The following CIITA variants were observed in gnomAD, a reference collection of about 807,000 sequenced individuals.
The protein encoded by CIITA is MHC class II transactivator.
Under a neutral mutation model 115.1 loss-of-function variants are expected in CIITA, and 72 were observed. The ratio of observed to expected loss-of-function variants is 0.63; its 90% CI spans 0.52 to 0.76. CIITA has a LOEUF of 0.76. Among genes scored for constraint, CIITA ranks in the 30% least tolerant of loss-of-function variants. The probability of loss-of-function intolerance (pLI) is 0.00; values close to 1 mark genes in which losing one functional copy is unlikely to be tolerated. For missense variants in CIITA, 1,617 were observed against 1,463.8 expected (o/e 1.10, Z -1.71); for synonymous variants, 763 against 635.6 (o/e 1.20, Z -3.02).
chr16:10,906,869 G>C lies in CIITA; in HGVS notation c.1377G>C (p.Pro459=). 6 of 1,613,376 alleles carry C rather than the reference G, an allele frequency of 3.7e-6. No individual in the cohort carries two copies. The highest frequency in any genetic ancestry group is 4.2e-6 in the Non-Finnish European group (5 of 1,180,040). The stretch of plus-strand genomic sequence containing the variant: ...TCCCCTGCCATTGCTTGAACCGTCC[G>C]GGGGATGCCTATGGCCTGCAGGATC... The part of the protein sequence containing the change: ...FSVPCHCLNR[P]GDAYGLQDLL... The change falls in exon 11 of 20, where the codon CCG becomes CCC. Residue 459 remains proline, a synonymous_variant. Coordinates refer to ENST00000324288, the MANE Select transcript of CIITA (RefSeq NM_000246.4).
chr16:10,870,968 T>G (rs904243818), intron 1 of CIITA, among the ~76,000 whole-genome samples: 1 of 152,194 alleles, frequency 6.6e-6, no homozygotes. Context: ...CAAAATGCAG[T>G]GCTGAGTGCT....
chr16:10,885,314 C>T (rs1415032330), intron 1 of CIITA, among the ~76,000 whole-genome samples: 1 of 152,192 alleles, frequency 6.6e-6, no homozygotes, highest in Non-Finnish European at 1.5e-5. Flanking sequence ...CTCATCTGAC[C>T]TCCTGCCCCC....
intron 13 of CIITA, among the ~76,000 whole-genome samples, chr16:10,910,596 G>A (rs2039493454): frequency 6.6e-6 from 1 of 152,230 alleles, no homozygotes; most frequent in Non-Finnish European, 1.5e-5. Context: ...GGGACTTCCT[G>A]GAGGAGGTGA....
At position 10,902,279 on chromosome 16, in the gene CIITA, CA is replaced by C; in HGVS notation, c.628+96del. The stretch of plus-strand genomic sequence containing the variant: ...GCAGGGACTGTCAGGAACTGGACCT[CA>C]CCTCTCCCCAACCCTATCAGTGTCA... On this transcript the variant is annotated intron_variant, in intron 7 of 19. Coordinates refer to ENST00000324288, the MANE Select transcript of CIITA (RefSeq NM_000246.4). 5 of 1,516,560 alleles carry C rather than the reference CA, an allele frequency of 3.3e-6. No homozygotes were observed. The South Asian group carries it at 5.8e-5, about 18-fold the overall frequency. 93.9% of individuals were successfully genotyped at this position (1,516,560 alleles called of 1,614,324 possible). A position where few individuals can be genotyped will look rare whatever the true frequency, so the allele number is the denominator to read the frequency against.
At chr16:10,877,438 A>C (rs1483545169) in intron 1 of CIITA, 56 bp downstream of exon 1, 2 of 1,545,572 alleles carry the variant, frequency 1.3e-6, no homozygotes, top group East Asian at 2.3e-5. Flanking sequence ...TGGTCCTGCC[A>C]TTCCAGATAA....
In CIITA at chr16:10,920,489, C is replaced by T. The variant is rs1389553828; in HGVS notation, c.3150-1678C>T. Among the ~76,000 whole-genome samples the T allele has an allele frequency of 6.6e-6, 1 of 152,214 alleles. No individual in the cohort carries two copies. The highest frequency in any genetic ancestry group is 1.5e-5 in the Non-Finnish European group (1 of 68,042). On this transcript the variant is annotated intron_variant, in intron 16 of 19. Coordinates refer to ENST00000324288, the MANE Select transcript of CIITA (RefSeq NM_000246.4). This position sits in a 1 kb window ranked among gnomAD's most constrained non-coding sequence, Gnocchi z 4.5. The stretch of plus-strand genomic sequence containing the variant: ...CTTGAAATCCTGGGCCCAAGCGATC[C>T]ACCCACCTCAGCCTTCCAAAGTGCT...
At chr16:10,872,230 C>T (rs2035534544), upstream of CIITA, among the ~76,000 whole-genome samples, 1 of 152,040 alleles carries the variant, frequency 6.6e-6, no homozygotes, top group Non-Finnish European at 1.5e-5. Flanking sequence ...TCAAGCAATT[C>T]TCCTGCCTCA....
rs4780333 is a variant in CIITA, at chr16:10,904,625, T to C, written c.938-119T>C. 0.22 allele frequency: 219,677 copies of C among 1,003,522 alleles called. 25,876 individuals carry two copies. The highest frequency in any genetic ancestry group is 0.4 in the Admixed American group (23,226 of 57,948). The allele number at this position is 1,003,522 out of a possible 1,614,324, so 62.2% of individuals were successfully genotyped here. A position where few individuals can be genotyped will look rare whatever the true frequency, so the allele number is the denominator to read the frequency against. On this transcript the variant is annotated intron_variant, in intron 9 of 19. Transcript: ENST00000324288. Reference sequence around the variant, plus strand: ...GATACAGCCTCAGGCCGCTATCTTATAACCTCCATCTTGGGAAACTCAGCC... The same window carrying C: ...GATACAGCCTCAGGCCGCTATCTTACAACCTCCATCTTGGGAAACTCAGCC...
In CIITA at chr16:10,941,799, G is replaced by A. The variant is rs772106642; in HGVS notation, n.925G>A. 8.7e-6 allele frequency: 14 copies of A among 1,613,550 alleles called. No homozygotes were observed. The highest frequency in any genetic ancestry group is 6.7e-5 in the African/African-American group (5 of 74,928). On this transcript the variant is annotated non_coding_transcript_exon_variant, in exon 2 of 2. Coordinates refer to the CIITA transcript ENST00000573379. The surrounding 1 kb of genome is among the most constrained non-coding windows in gnomAD (Gnocchi z 6.4). ...AGCCGGGGTCGGAGAGCACGCCGAG[G>A]TCCACGAGCGCCTGGTCCATGTCCT... is the stretch of plus-strand genomic sequence containing the variant.
At chr16:10,874,917 C>T (rs189865879), upstream of CIITA, among the ~76,000 whole-genome samples, 34 of 152,300 alleles carry the variant, frequency 2.2e-4, no homozygotes, top group Admixed American at 2.0e-3. Flanking sequence ...TCAGAGGCGC[C>T]TCTCCCGTGG....
At chr16:10,897,088 CA>C (rs2144345605) in intron 3 of CIITA, among the ~76,000 whole-genome samples, 1 of 152,288 alleles carries the variant, frequency 6.6e-6, no homozygotes, top group South Asian at 2.1e-4. Context: ...GCTGTCTAAG[CA>C]AATAGGTGAG....
intron 1 of CIITA, among the ~76,000 whole-genome samples, chr16:10,868,426 C>G (rs1052384053): frequency 3.3e-5 from 5 of 152,172 alleles, no homozygotes; most frequent in South Asian, 2.1e-4. Flanking sequence ...GCTTTCCTGC[C>G]AAGACAACAT....
intron 14 of CIITA, among the ~76,000 whole-genome samples, chr16:10,915,891 C>T (rs1013471173): frequency 1.3e-5 from 2 of 152,182 alleles, no homozygotes; most frequent in African/African-American, 4.8e-5. Flanking sequence ...TTTCTCTCTT[C>T]CGCCTACTGC....
rs1472436887 is a variant in CIITA at position 10,907,015 on chromosome 16, A to G, written c.1523A>G (p.Asp508Gly). The G allele has an allele frequency of 6.2e-7, 1 of 1,609,072 alleles. No individual in the cohort carries two copies. The highest frequency in any genetic ancestry group is 1.3e-5 in the African/African-American group (1 of 74,884). ...GGCTTCGAGGAGCTGGAAGCGCAAGATGGCTTCCTGCACAGCACGTGCGGA... is the reference window on the plus strand; with the variant it reads ...GGCTTCGAGGAGCTGGAAGCGCAAGGTGGCTTCCTGCACAGCACGTGCGGA... ...LDGFEELEAQDGFLHSTCGPA... is the reference protein window; with the variant it reads ...LDGFEELEAQGGFLHSTCGPA... Residue 508 changes from aspartate to glycine, a missense_variant, in exon 11 of 20, where the codon GAT (aspartate) becomes GGT (glycine). Physicochemically the swap from Asp to Gly is moderately conservative, Grantham distance 94 (BLOSUM62 -1). Coordinates refer to ENST00000324288, the MANE Select transcript of CIITA (RefSeq NM_000246.4). The surrounding 1 kb of genome is among the most constrained non-coding windows in gnomAD (Gnocchi z 5.0).
chr16:10,875,095 A>T (rs143904712), upstream of CIITA, among the ~76,000 whole-genome samples: 1 of 151,984 alleles, frequency 6.6e-6, no homozygotes, highest in Non-Finnish European at 1.5e-5. Context: ...CAGTCTCCCG[A>T]GTAGCACACG....
chr16:10,868,363 T>A (rs2035237575), intron 1 of CIITA, among the ~76,000 whole-genome samples: 1 of 152,236 alleles, frequency 6.6e-6, no homozygotes, highest in Non-Finnish European at 1.5e-5. Flanking sequence ...CTTCAGGGCA[T>A]CAAATGCATT....
rs1159888268 is a variant in CIITA at position 10,908,014 on chromosome 16, C to G, written c.2522C>G (p.Thr841Arg). The change falls in exon 11 of 20, where the codon ACG becomes AGG. Residue 841 changes from threonine to arginine, a missense_variant. Coordinates refer to ENST00000324288, the MANE Select transcript of CIITA (RefSeq NM_000246.4). Reference protein sequence around the residue: ...GRLSFLGTRLTPPDAHVLGKA... With the variant: ...GRLSFLGTRLRPPDAHVLGKA... ...CTCTCTTTTCTGGGCACCCGCCTCA[C>G]GCCTCCTGATGCACATGTACTGGGC... The G allele has an allele frequency of 4.4e-6, 7 of 1,603,126 alleles. No individual in the cohort carries two copies. The highest frequency in any genetic ancestry group is 1.7e-5 in the Admixed American group (1 of 59,302).
intron 11 of CIITA, 112 bp from the exon 12 acceptor site, chr16:10,908,917 T>G: frequency 7.3e-5 from 109 of 1,489,362 alleles, no homozygotes; most frequent in Non-Finnish European, 9.3e-5. Flanking sequence ...AGGTAGAGGT[T>G]GAGCTAAGGA....
intron 13 of CIITA, among the ~76,000 whole-genome samples, chr16:10,915,218 T>C (rs2039869757): frequency 6.6e-6 from 1 of 151,574 alleles, no homozygotes; most frequent in African/African-American, 2.4e-5. Context: ...CTTGGCTAAT[T>C]ATTGTGTTTT....
Sources: allele counts gnomAD v4.1 joint callset (sites outside exome capture counted in the v4.1 genomes callset), GRCh38; gene constraint gnomAD v4.1.1; non-coding constraint Gnocchi (gnomAD v3.1); transcripts MANE v1.5; gene names NCBI Gene and HGNC (gene_info 2026-07-23, HGNC 2026-07-21).